XRN2: variants seen among roughly 807,000 people sequenced by gnomAD.
The protein encoded by XRN2 is 5'-3' exoribonuclease 2, also known as DHM1-like protein.
Under a neutral mutation model 138.5 loss-of-function variants are expected in XRN2, and 44 were observed. The observed-to-expected ratio is 0.32, with a 90% CI of 0.25 to 0.41. XRN2 has a LOEUF of 0.41. XRN2 is among the 10% of genes least tolerant of loss of function. The probability of loss-of-function intolerance (pLI) is 1.00; values close to 1 mark genes in which losing one functional copy is unlikely to be tolerated. For synonymous variants in XRN2, 354 were observed against 369.4 expected, an observed-to-expected ratio of 0.96 and a Z score of 0.48; for missense variants, 937 against 1,169.3, an observed-to-expected ratio of 0.80 and a Z score of 2.90.
intron 20 of XRN2, among the ~76,000 whole-genome samples, chr20:21,350,525 CAAAAAAAAA>C (rs11484426): frequency 2.0e-4 from 12 of 58,946 alleles, no homozygotes; most frequent in African/African-American, 6.9e-4. Context: ...GACTCCGTCT[CAAAAAAAAA>C]AAAAAAAAAA....
intron 1 of XRN2, among the ~76,000 whole-genome samples, chr20:21,325,485 T>A (rs1270404192): frequency 6.6e-6 from 1 of 152,174 alleles, no homozygotes; most frequent in African/African-American, 2.4e-5. Flanking sequence ...TTGGGAGATA[T>A]GTACAAGGTG....
At chr20:21,377,274 T>TTTTTTTTTTTTC in intron 27 of XRN2, among the ~76,000 whole-genome samples, 1 of 142,490 alleles carries the variant, frequency 7.0e-6, no homozygotes, top group South Asian at 2.3e-4. Flanking sequence ...CTTTTTTTTT[T>TTTTTTTTTTTTC]TTTTGGTCAG....
At chr20:21,375,580 T>A (rs1242594213) in intron 27 of XRN2, among the ~76,000 whole-genome samples, 1 of 148,938 alleles carries the variant, frequency 6.7e-6, no homozygotes, top group Admixed American at 6.7e-5. Context: ...TATTGCTTAA[T>A]TTTTTTTTTA....
At chr20:21,356,530 T>C in intron 22 of XRN2, 56 bp from the exon 23 acceptor site, 3 of 1,523,990 alleles carry the variant, frequency 2.0e-6, no homozygotes, top group Admixed American at 1.8e-5. Flanking sequence ...AAGAATCTGC[T>C]TGAGTCCCAG....
chr20:21,315,555 C>T (rs1333657865), intron 1 of XRN2, among the ~76,000 whole-genome samples: 1 of 152,108 alleles, frequency 6.6e-6, no homozygotes, highest in Non-Finnish European at 1.5e-5. Context: ...GGCAGTGGCA[C>T]AATCTCAGCT....
At chr20:21,330,792 G>C in intron 6 of XRN2, 87 bp downstream of exon 6, 1 of 1,252,202 alleles carries the variant, frequency 8.0e-7, no homozygotes, top group South Asian at 1.4e-5. Flanking sequence ...TTATCCTTCT[G>C]CCCTGCCCCA....
At chr20:21,355,946 T>C (rs1402608805) in intron 21 of XRN2, 134 bp from the exon 22 acceptor site, 2 of 539,334 alleles carry the variant, frequency 3.7e-6, no homozygotes, top group East Asian at 6.3e-5. Flanking sequence ...CCTATCACTT[T>C]AAAATTATTT....
chr20:21,389,613 A>G lies in XRN2; in HGVS notation c.*275A>G. On this transcript the variant is annotated 3_prime_UTR_variant, in exon 30 of 30. Transcript: ENST00000377191. ...TTTCATAATGGTTAAAAATGAAACC[A>G]GCTGTGGATTTCAAAACACAGTGTA... 1 of 283,376 alleles carries G rather than the reference A, an allele frequency of 3.5e-6. No homozygotes were observed. The allele number at this position is 283,376 out of a possible 1,614,324, so 17.6% of individuals were successfully genotyped here.
chr20:21,305,444 G>A (rs569729413), intron 1 of XRN2, among the ~76,000 whole-genome samples: 24 of 150,232 alleles, frequency 1.6e-4, no homozygotes, highest in African/African-American at 5.8e-4. Context: ...TAGTAGAGAC[G>A]GAGTTTTGCC....
intron 27 of XRN2, among the ~76,000 whole-genome samples, chr20:21,370,483 A>G (rs1365621217): frequency 6.6e-6 from 1 of 152,260 alleles, no homozygotes; most frequent in Non-Finnish European, 1.5e-5. Flanking sequence ...AATTAATACA[A>G]GTATAATTAA....
chr20:21,361,098 A>G (rs899500648), intron 24 of XRN2, among the ~76,000 whole-genome samples: 2 of 152,230 alleles, frequency 1.3e-5, no homozygotes, highest in African/African-American at 4.8e-5. Context: ...ATTTCTAAGG[A>G]TAATTCTTAA....
At position 21,376,216 on chromosome 20, in the gene XRN2, G is replaced by A. The variant is rs146090867; in HGVS notation, c.2585-5778G>A. ...AATCCAAGCACAGATTTAACCAGGC[G>A]TGGTGGTATGTGCCTGTAGTCTCAG... On this transcript the variant is annotated intron_variant, in intron 27 of 29. Coordinates refer to ENST00000377191, the MANE Select transcript of XRN2 (RefSeq NM_012255.5). Among the ~76,000 whole-genome samples the A allele has an allele frequency of 3.6e-3, 541 of 152,186 alleles. 3 individuals carry two copies. The highest frequency in any genetic ancestry group is 0.012 in the African/African-American group (518 of 41,564).
chr20:21,336,001 A>T (rs2038284597), intron 13 of XRN2, among the ~76,000 whole-genome samples: 1 of 152,210 alleles, frequency 6.6e-6, no homozygotes, highest in African/African-American at 2.4e-5. Flanking sequence ...TTTTCTGGGA[A>T]GTATGTCCCT....
intron 27 of XRN2, among the ~76,000 whole-genome samples, chr20:21,379,061 C>CT (rs1163109766): frequency 6.6e-6 from 1 of 152,214 alleles, no homozygotes; most frequent in Non-Finnish European, 1.5e-5. Context: ...TTGACTAGTG[C>CT]TATCAGTAAA....
chr20:21,323,253 G>A (rs1479096612), intron 1 of XRN2, among the ~76,000 whole-genome samples: 1 of 152,168 alleles, frequency 6.6e-6, no homozygotes, highest in Non-Finnish European at 1.5e-5. Flanking sequence ...TCATTTCTCA[G>A]CCACAAATTC....
intron 1 of XRN2, among the ~76,000 whole-genome samples, chr20:21,310,979 C>T (rs947259662): frequency 2.0e-5 from 3 of 152,040 alleles, no homozygotes; most frequent in Non-Finnish European, 4.4e-5. Context: ...TCTTGATCTC[C>T]TGACCTCGTG....
chr20:21,338,212 C>T (rs894125431), intron 13 of XRN2, among the ~76,000 whole-genome samples: 1 of 152,168 alleles, frequency 6.6e-6, no homozygotes, highest in Non-Finnish European at 1.5e-5. Context: ...TAGGCTACAA[C>T]AGTAGCTATG....
chr20:21,386,803 C>G, intron 28 of XRN2, 65 bp from the exon 29 acceptor site: 1 of 1,541,490 alleles, frequency 6.5e-7, no homozygotes, highest in Non-Finnish European at 8.8e-7. Flanking sequence ...TGATACCTGC[C>G]GATTTTAGGC....
At position 21,362,000 on chromosome 20, in the gene XRN2, T is replaced by C. The variant is rs140506890; in HGVS notation, c.2256-3421T>C. Among the ~76,000 whole-genome samples, 561 of 152,354 alleles carry C rather than the reference T, an allele frequency of 3.7e-3. 3 individuals are homozygous for C. Among genetic ancestry groups the C allele is most frequent in the African/African-American group, 0.013 (536 of 41,584 alleles). ...AAATGATATTAATACTTTGGTATCA[T>C]AAATAGTGTCCTCATCTTTGAATGG... On this transcript the variant is annotated intron_variant, in intron 24 of 29. Coordinates refer to ENST00000377191, the MANE Select transcript of XRN2 (RefSeq NM_012255.5).
Sources: allele counts gnomAD v4.1 joint callset (sites outside exome capture counted in the v4.1 genomes callset), GRCh38; gene constraint gnomAD v4.1.1; transcripts MANE v1.5; gene names NCBI Gene and HGNC (gene_info 2026-07-23, HGNC 2026-07-21).